The following BRD10 variants were observed in gnomAD, a reference collection of about 807,000 sequenced individuals.
The protein encoded by BRD10 is bromodomain containing 10, also known as uncharacterized bromodomain-containing protein 10.
chr9:5,996,093 G>A, the BRD10 span, among the ~76,000 whole-genome samples: 9,582 of 152,180 alleles, frequency 0.063, 328 homozygotes, highest in Middle Eastern at 0.082. Context: ...AACTAAAGGC[G>A]GGGGGTTCAA....
chr9:5,983,961 TTACA>T, the BRD10 span, among the ~76,000 whole-genome samples: 1 of 69,844 alleles, frequency 1.4e-5, no homozygotes, highest in African/African-American at 6.1e-5. Flanking sequence ...TGTATATGCA[TTACA>T]CACACACACA....
At chr9:5,908,620 T>C in the BRD10 span, 1 of 1,609,366 alleles carries the variant, frequency 6.2e-7, no homozygotes, top group East Asian at 2.2e-5. Context: ...GCCCATATTC[T>C]CCCTTTCTTG....
At chr9:6,000,364 G>C in the BRD10 span, among the ~76,000 whole-genome samples, 1 of 152,044 alleles carries the variant, frequency 6.6e-6, no homozygotes, top group Non-Finnish European at 1.5e-5. Context: ...TATTATACAA[G>C]TTCCTGGAAA....
chr9:5,925,222 G>C, the BRD10 span, among the ~76,000 whole-genome samples: 2 of 151,924 alleles, frequency 1.3e-5, 1 homozygote, highest in African/African-American at 4.8e-5. Flanking sequence ...AGCCAGGCGT[G>C]GTGGTGGGCA....
chr9:5,998,919 T>C, the BRD10 span, among the ~76,000 whole-genome samples: 127,569 of 151,868 alleles, frequency 0.84, 55,826 homozygotes, highest in Non-Finnish European at 0.99. Flanking sequence ...GTGGAATACC[T>C]TGAAATACTA....
At chr9:5,902,159 GTTA>G in the BRD10 span, among the ~76,000 whole-genome samples, 4 of 152,128 alleles carry the variant, frequency 2.6e-5, no homozygotes, top group Admixed American at 1.3e-4. Flanking sequence ...GTTTTGGAAA[GTTA>G]TTATTGATTC....
the BRD10 span, among the ~76,000 whole-genome samples, chr9:5,935,776 T>G: frequency 1.3e-5 from 2 of 152,198 alleles, no homozygotes; most frequent in Non-Finnish European, 2.9e-5. Context: ...TTACTTTTAT[T>G]TTTTCATATT....
chr9:6,003,132 G>T, the BRD10 span, among the ~76,000 whole-genome samples: 1 of 152,040 alleles, frequency 6.6e-6, no homozygotes, highest in African/African-American at 2.4e-5. Flanking sequence ...TGGAAATCAA[G>T]AATAATTTTA....
the BRD10 span, among the ~76,000 whole-genome samples, chr9:5,996,399 A>C: frequency 6.6e-6 from 1 of 152,064 alleles, no homozygotes; most frequent in Admixed American, 6.6e-5. Flanking sequence ...GCTCACTGCA[A>C]CCTTTGCCTC....
the BRD10 span, among the ~76,000 whole-genome samples, chr9:5,989,008 A>G: frequency 1.3e-5 from 2 of 152,128 alleles, no homozygotes; most frequent in African/African-American, 2.4e-5. Context: ...AGGCAGGCGA[A>G]TCATCTGAGG....
chr9:5,913,952 G>T, the BRD10 span: 3 of 439,976 alleles, frequency 6.8e-6, no homozygotes. Flanking sequence ...AGATGGCCTC[G>T]AGAAAGTCTT....
the BRD10 span, chr9:6,007,982 T>G: frequency 7.8e-7 from 1 of 1,277,042 alleles, no homozygotes; most frequent in Non-Finnish European, 9.9e-7. Context: ...CGGGGTTACA[T>G]GGCGCGCGAG....
the BRD10 span, among the ~76,000 whole-genome samples, chr9:5,886,743 A>G: frequency 6.6e-6 from 1 of 152,232 alleles, no homozygotes; most frequent in African/African-American, 2.4e-5. Flanking sequence ...ACAGAGACTA[A>G]GAGCCTAGTT....
At chr9:5,919,419 G>C in the BRD10 span, 2 of 350,762 alleles carry the variant, frequency 5.7e-6, no homozygotes, top group Non-Finnish European at 1.0e-5. Flanking sequence ...TCTACAGACA[G>C]GTAAATCCTG....
At chr9:5,930,369 T>TTATA in the BRD10 span, among the ~76,000 whole-genome samples, 607 of 135,528 alleles carry the variant, frequency 4.5e-3, 8 homozygotes, top group East Asian at 0.031. Context: ...TATAAGGAGA[T>TTATA]TATATATATA....
the BRD10 span, chr9:6,007,726 G>T: frequency 1.9e-6 from 3 of 1,600,302 alleles, no homozygotes; most frequent in African/African-American, 1.3e-5. Context: ...TTCGGCCGCC[G>T]GTGGCGGCCG....
At chr9:5,915,943 C>G in the BRD10 span, among the ~76,000 whole-genome samples, 2 of 152,144 alleles carry the variant, frequency 1.3e-5, no homozygotes, top group African/African-American at 4.8e-5. Context: ...TTACATACAT[C>G]ATTTGATTCT....
At chr9:5,903,767 G>C in the BRD10 span, among the ~76,000 whole-genome samples, 2 of 152,064 alleles carry the variant, frequency 1.3e-5, no homozygotes, top group Non-Finnish European at 2.9e-5. Context: ...CTTTATCCCT[G>C]ATAACTTTCC....
chr9:5,991,651 G>C, the BRD10 span, among the ~76,000 whole-genome samples: 3 of 151,008 alleles, frequency 2.0e-5, no homozygotes, highest in African/African-American at 7.3e-5. Context: ...TTTGAACCTA[G>C]GAGGCGGAGG....
Sources: gnomAD v4.1 joint callset for allele counts (sites outside exome capture counted in the v4.1 genomes callset) on GRCh38, gnomAD v4.1.1 for gene constraint, MANE v1.5 for transcripts, NCBI Gene and HGNC (gene_info 2026-07-23, HGNC 2026-07-21) for gene names.